Variants in KCNK13 observed in about 807,000 individuals in gnomAD.
KCNK13 encodes the protein potassium channel subfamily K member 13.
In KCNK13, 12 loss-of-function variants were observed where a neutral mutation model predicts 23.4. The observed-to-expected ratio is 0.51, with a 90% confidence interval of 0.33 to 0.83. The LOEUF (loss-of-function observed/expected upper bound fraction) is 0.83, where lower values mean the gene tolerates loss of function less well. Ranked by LOEUF, KCNK13 falls within the 40% of genes least tolerant of loss-of-function variation. The pLI is 0.02. For missense variants in KCNK13, 463 were observed against 556.3 expected (o/e 0.83, Z 1.69); for synonymous variants, 231 against 229.5 (o/e 1.01, Z -0.06).
At chr14:90,077,236 C>T (rs1319860747) in intron 1 of KCNK13, among the ~76,000 whole-genome samples, 1 of 151,836 alleles carries the variant, frequency 6.6e-6, no homozygotes, top group Non-Finnish European at 1.5e-5. Context: ...TCCCCTGCCT[C>T]AGCCTATTGA....
chr14:90,118,072 G>A (rs150861307), intron 1 of KCNK13, among the ~76,000 whole-genome samples: 22 of 152,344 alleles, frequency 1.4e-4, no homozygotes, highest in African/African-American at 5.1e-4. Flanking sequence ...AGAACATTGG[G>A]ATAGTTCCCA....
rs34726346 is a variant in KCNK13, at chr14:90,178,231, CAAAAAAAA to C, written c.335-5862_335-5855del. 1.1e-4 allele frequency among the ~76,000 whole-genome samples: 8 copies of C among 75,080 alleles called. No homozygotes were observed. In the South Asian group the frequency reaches 1.8e-3, roughly 17 times the overall value. The allele number at this position is 75,080 out of a possible 152,430, so 49.3% of individuals were successfully genotyped here. On this transcript the variant is annotated intron_variant, in intron 1 of 1. Coordinates refer to ENST00000282146, the MANE Select transcript of KCNK13 (RefSeq NM_022054.4). ...AATTTGGGAGACATATTCCTAAAAG[CAAAAAAAA>C]AAAAAAAAAAAAAAAAAGGATACCC...
intron 1 of KCNK13, among the ~76,000 whole-genome samples, chr14:90,088,623 T>C (rs1373473630): frequency 6.6e-6 from 1 of 152,152 alleles, no homozygotes; most frequent in Non-Finnish European, 1.5e-5. Context: ...AAATGGAAAA[T>C]CTGGCAATGT....
rs189736804 is a variant in KCNK13, at chr14:90,171,500, A to G, written c.335-12611A>G. On this transcript the variant is annotated intron_variant, in intron 1 of 1. Transcript: ENST00000282146. ...GTTAATTTAGAAAGTTTATTTTGCC[A>G]AGGTTGAAGACACGTGCCTGTGATG... is the stretch of plus-strand genomic sequence containing the variant. 1.2e-4 allele frequency among the ~76,000 whole-genome samples: 18 copies of G among 152,348 alleles called. 1 individual carries two copies. In the East Asian group the frequency reaches 3.3e-3, roughly 28 times the overall value.
At chr14:90,063,998 A>T (rs74080563) in intron 1 of KCNK13, among the ~76,000 whole-genome samples, 1 of 152,196 alleles carries the variant, frequency 6.6e-6, no homozygotes, top group Non-Finnish European at 1.5e-5. Context: ...GAAACCTTGC[A>T]GCAGACCAGA....
chr14:90,080,682 C>A (rs551422705), intron 1 of KCNK13, among the ~76,000 whole-genome samples: 2 of 152,080 alleles, frequency 1.3e-5, no homozygotes, highest in Non-Finnish European at 2.9e-5. Flanking sequence ...TTTTCTCTTT[C>A]TTCTTTGTAT....
intron 1 of KCNK13, among the ~76,000 whole-genome samples, chr14:90,182,901 T>G (rs1425787523): frequency 6.6e-6 from 1 of 152,000 alleles, no homozygotes; most frequent in East Asian, 1.9e-4. Flanking sequence ...TGCTCAGTAT[T>G]CTTTTTATTT....
chr14:90,116,071 A>T (rs1470869972), intron 1 of KCNK13, among the ~76,000 whole-genome samples: 2 of 152,224 alleles, frequency 1.3e-5, no homozygotes, highest in East Asian at 1.9e-4. Context: ...GCCAAAAAAA[A>T]TTTTATTGAG....
In KCNK13 at chr14:90,062,498, C is replaced by T. The variant is rs1888956958; in HGVS notation, c.293C>T (p.Thr98Ile). Residue 98 changes from threonine to isoleucine, a missense_variant, in exon 1 of 2, where the codon ACC becomes ATC. By Grantham distance (89) the Thr-to-Ile change is moderately conservative. Coordinates refer to ENST00000282146, the MANE Select transcript of KCNK13 (RefSeq NM_022054.4). This position sits in a 1 kb window ranked among gnomAD's most constrained non-coding sequence, Gnocchi z 4.5. The part of the protein sequence containing the change: ...VDNVRPRWDF[T>I]GAFYFVGTVV... ...AACGTCCGCCCGCGCTGGGACTTCA[C>T]CGGCGCCTTCTACTTCGTGGGCACC... 2 of 1,532,886 alleles carry T rather than the reference C, an allele frequency of 1.3e-6. No individual in the cohort carries two copies. Among genetic ancestry groups the T allele is most frequent in the Admixed American group, 2.0e-5 (1 of 49,826 alleles). The allele number at this position is 1,532,886 out of a possible 1,614,324, so 95.0% of individuals were successfully genotyped here.
rs1313989311 is a variant in KCNK13 at position 90,062,469 on chromosome 14, G to A, written c.264G>A (p.Val88=). 1 of 1,545,034 alleles carries A rather than the reference G, an allele frequency of 6.5e-7. No homozygotes were observed. The highest frequency in any genetic ancestry group is 8.7e-7 in the Non-Finnish European group (1 of 1,145,722). The change falls in exon 1 of 2, where the codon GTG becomes GTA. Residue 88 remains valine (V), a synonymous_variant. Transcript: ENST00000282146. The surrounding 1 kb of genome is among the most constrained non-coding windows in gnomAD (Gnocchi z 4.5). ...YEEATRAGIR[V]DNVRPRWDFT... ...AGGCCACTCGGGCCGGCATCCGCGT[G>A]GACAACGTCCGCCCGCGCTGGGACT...
Position 90,087,534 on chromosome 14 carries a change from GC to G in KCNK13, c.334+24997del, listed in dbSNP as rs1401713703. ...TTGAATGAAGAGAAAAAGGGAACCT[GC>G]CACTGCCTCCATCCCCGCTTCTCAT... On this transcript the variant is annotated intron_variant, in intron 1 of 1. Coordinates refer to ENST00000282146, the MANE Select transcript of KCNK13 (RefSeq NM_022054.4). 2.0e-5 allele frequency among the ~76,000 whole-genome samples: 3 copies of G among 152,132 alleles called. No individual in the cohort carries two copies. In the East Asian group the frequency reaches 5.8e-4, roughly 29 times the overall value.
chr14:90,123,626 A>G (rs1889764150), intron 1 of KCNK13, among the ~76,000 whole-genome samples: 1 of 152,116 alleles, frequency 6.6e-6, no homozygotes, highest in Non-Finnish European at 1.5e-5. Flanking sequence ...AGATATGGCT[A>G]TTAGTAGTAG....
At chr14:90,121,129 A>G (rs28419494) in intron 1 of KCNK13, among the ~76,000 whole-genome samples, 44,614 of 151,970 alleles carry the variant, frequency 0.29, 6,698 homozygotes, top group Admixed American at 0.37. Context: ...GCAACCAGCT[A>G]ACGTCTAGGT....
intron 1 of KCNK13, among the ~76,000 whole-genome samples, chr14:90,179,824 T>C (rs1890465578): frequency 6.6e-6 from 1 of 152,212 alleles, no homozygotes; most frequent in South Asian, 2.1e-4. Context: ...TGTAATTATA[T>C]CATTTGTTGG....
chr14:90,126,254 C>G (rs1018183223), intron 1 of KCNK13, among the ~76,000 whole-genome samples: 10 of 151,948 alleles, frequency 6.6e-5, no homozygotes, highest in African/African-American at 2.2e-4. Flanking sequence ...ATGAACTCCC[C>G]ACTCCTAAGT....
chr14:90,081,249 A>G (rs1022329233), intron 1 of KCNK13, among the ~76,000 whole-genome samples: 1 of 152,258 alleles, frequency 6.6e-6, no homozygotes, highest in Non-Finnish European at 1.5e-5. Context: ...TTTAACTTCA[A>G]TTATTAACTG....
chr14:90,184,218 C>A lies in KCNK13; in HGVS notation c.442C>A (p.Arg148Ser). The change falls in exon 2 of 2, where the codon CGC becomes AGC. Residue 148 changes from arginine to serine, a missense_variant. Coordinates refer to ENST00000282146, the MANE Select transcript of KCNK13 (RefSeq NM_022054.4). This position sits in a 1 kb window ranked among gnomAD's most constrained non-coding sequence, Gnocchi z 5.6. ...CTTGTTCTTCAACCTCTTCCTGGAGCGCCTGATCACCATCATCGCCTACAT... is the reference window on the plus strand; with the variant it reads ...CTTGTTCTTCAACCTCTTCCTGGAGAGCCTGATCACCATCATCGCCTACAT... ...TILFFNLFLERLITIIAYIMK... is the reference protein window; with the variant it reads ...TILFFNLFLESLITIIAYIMK... 1 of 1,614,240 alleles carries A rather than the reference C, an allele frequency of 6.2e-7. No individual in the cohort carries two copies. Among genetic ancestry groups the A allele is most frequent in the Non-Finnish European group, 8.5e-7 (1 of 1,180,042 alleles).
chr14:90,138,132 A>G (rs1018954585), intron 1 of KCNK13, among the ~76,000 whole-genome samples: 9 of 152,196 alleles, frequency 5.9e-5, no homozygotes, highest in Admixed American at 3.3e-4. Flanking sequence ...ACAGCTTTTT[A>G]TTTCCATGCT....
intron 1 of KCNK13, among the ~76,000 whole-genome samples, chr14:90,111,903 G>A (rs1009323849): frequency 6.6e-6 from 1 of 152,242 alleles, no homozygotes; most frequent in Admixed American, 6.5e-5. Context: ...TCACAGGTGG[G>A]TCACTGGGCC....
Sources: allele counts gnomAD v4.1 joint callset (sites outside exome capture counted in the v4.1 genomes callset), GRCh38; gene constraint gnomAD v4.1.1; non-coding constraint Gnocchi (gnomAD v3.1); transcripts MANE v1.5; gene names NCBI Gene and HGNC (gene_info 2026-07-23, HGNC 2026-07-21).